Variants in PKHD1 observed in about 807,000 individuals in gnomAD.
PKHD1 encodes the protein fibrocystin.
A neutral mutation model predicts 412.0 loss-of-function variants in PKHD1; 291 were observed. That is an observed-to-expected ratio of 0.71 (90% confidence interval 0.64 to 0.78). PKHD1 has a LOEUF of 0.78. Ranked by LOEUF, PKHD1 falls within the 30% of genes least tolerant of loss-of-function variation. The probability of loss-of-function intolerance (pLI) is 0.00; values close to 1 mark genes in which losing one functional copy is unlikely to be tolerated. For synonymous variants in PKHD1, 1,777 were observed against 1,821.5 expected (o/e 0.98, Z 0.62); for missense variants, 4,825 against 4,950.7 (o/e 0.97, Z 0.76).
At chr6:51,640,449 G>C (rs1769197599) in intron 63 of PKHD1, among the ~76,000 whole-genome samples, 1 of 152,184 alleles carries the variant, frequency 6.6e-6, no homozygotes, top group African/African-American at 2.4e-5. Flanking sequence ...GGCAGTTGCT[G>C]CTAAGTATAG....
At chr6:51,985,182 A>G (rs931668822) in intron 35 of PKHD1, among the ~76,000 whole-genome samples, 1 of 152,362 alleles carries the variant, frequency 6.6e-6, no homozygotes, top group Non-Finnish European at 1.5e-5. Context: ...ATTGAAGGCT[A>G]TCTCTGAGTT....
At chr6:51,914,712 T>C (rs1229347259) in intron 37 of PKHD1, among the ~76,000 whole-genome samples, 2 of 152,226 alleles carry the variant, frequency 1.3e-5, no homozygotes, top group South Asian at 2.1e-4. Context: ...CTCTCCATAA[T>C]GTGACCCTAC....
At chr6:52,063,197 TA>T (rs2128219725) in intron 13 of PKHD1, among the ~76,000 whole-genome samples, 1 of 152,364 alleles carries the variant, frequency 6.6e-6, no homozygotes, top group South Asian at 2.1e-4. Flanking sequence ...TGTGACATTT[TA>T]AATGATATTG....
chr6:52,002,957 AT>A (rs1471273582), intron 35 of PKHD1, among the ~76,000 whole-genome samples: 2 of 152,230 alleles, frequency 1.3e-5, no homozygotes, highest in Admixed American at 6.5e-5. Flanking sequence ...ACAGACATAT[AT>A]GCCTTCATCC....
chr6:52,025,814 C>A lies in PKHD1; in HGVS notation c.3996G>T (p.Gly1332=). The part of the protein sequence containing the change: ...SNLSNSVILL[G]NLNCDVETQS... ...GTGTCTCAACATCACAGTTCAGGTT[C>A]CCCAGAAGGATGACTGAGTTGGAGA... Residue 1332 remains glycine, a synonymous_variant, in exon 32 of 67, where the codon GGG becomes GGT. Transcript: ENST00000371117. The A allele has an allele frequency of 6.2e-7, 1 of 1,614,164 alleles. No homozygotes were observed. The highest frequency in any genetic ancestry group is 8.5e-7 in the Non-Finnish European group (1 of 1,180,016).
chr6:52,053,350 G>T, intron 20 of PKHD1, 99 bp from the exon 21 acceptor site: 1 of 1,243,356 alleles, frequency 8.0e-7, no homozygotes, highest in Non-Finnish European at 1.2e-6. Context: ...TGTGAGCTAT[G>T]CAGCCAGGAG....
At position 51,628,969 on chromosome 6, in the gene PKHD1, A is replaced by G. The variant is rs1187336307; in HGVS notation, c.11666-1853T>C. On this transcript the variant is annotated intron_variant, in intron 65 of 66. Coordinates refer to ENST00000371117, the MANE Select transcript of PKHD1 (RefSeq NM_138694.4). The stretch of plus-strand genomic sequence containing the variant: ...AACAATAACAAGCAATTGTGAAAGG[A>G]CTCCTTTTCAATAAATGGTGCTGGG... Among the ~76,000 whole-genome samples the G allele has an allele frequency of 2.6e-5, 4 of 152,182 alleles. No individual in the cohort carries two copies. In the East Asian group the frequency reaches 7.7e-4, roughly 29 times the overall value.
intron 52 of PKHD1, among the ~76,000 whole-genome samples, chr6:51,830,065 A>G (rs1582919964): frequency 6.6e-6 from 1 of 152,190 alleles, no homozygotes. Flanking sequence ...GTTTGACATT[A>G]TCATTATTAT....
chr6:51,956,325 T>C (rs1791128658), intron 36 of PKHD1, among the ~76,000 whole-genome samples: 1 of 151,992 alleles, frequency 6.6e-6, no homozygotes, highest in South Asian at 2.1e-4. Context: ...TGTGTGTGTG[T>C]GTGTGTAATC....
At chr6:51,836,250 A>G (rs560417633) in intron 51 of PKHD1, among the ~76,000 whole-genome samples, 154 bp downstream of exon 51, 24 of 152,316 alleles carry the variant, frequency 1.6e-4, no homozygotes, top group Admixed American at 6.5e-4. Context: ...TACATATTTT[A>G]GTTACAGGGC....
At chr6:51,936,821 C>A (rs1213360513) in intron 36 of PKHD1, among the ~76,000 whole-genome samples, 2 of 74,674 alleles carry the variant, frequency 2.7e-5, no homozygotes, top group Non-Finnish European at 5.1e-5. Context: ...CAAATTCCAA[C>A]CTGACTCTAG....
intron 60 of PKHD1, among the ~76,000 whole-genome samples, chr6:51,711,590 A>T (rs545121077): frequency 6.6e-6 from 1 of 152,310 alleles, no homozygotes; most frequent in East Asian, 1.9e-4. Flanking sequence ...ATATTTGTCT[A>T]CCTCTGCTGG....
intron 48 of PKHD1, among the ~76,000 whole-genome samples, chr6:51,856,302 G>A (rs1773301102): frequency 6.6e-6 from 1 of 152,156 alleles, no homozygotes; most frequent in African/African-American, 2.4e-5. Flanking sequence ...CTGGTGAACT[G>A]GAGGTGGTGA....
At chr6:51,807,437 CAAAAAAAAAA>C (rs1174429085) in intron 52 of PKHD1, among the ~76,000 whole-genome samples, 622 of 39,086 alleles carry the variant, frequency 0.016, 14 homozygotes, top group East Asian at 0.11. Context: ...GACTCTGTCT[CAAAAAAAAAA>C]AAAAAAAAAA....
At chr6:51,869,017 A>G (rs1412213443) in intron 47 of PKHD1, among the ~76,000 whole-genome samples, 1 of 152,142 alleles carries the variant, frequency 6.6e-6, no homozygotes, top group African/African-American at 2.4e-5. Flanking sequence ...AAATATAAAA[A>G]AAAGAAAATA....
At chr6:51,733,703 T>C (rs1020549740) in intron 60 of PKHD1, among the ~76,000 whole-genome samples, 1 of 152,210 alleles carries the variant, frequency 6.6e-6, no homozygotes, top group African/African-American at 2.4e-5. Context: ...TGGCTTATTA[T>C]AAAATCATTG....
Position 52,062,587 on chromosome 6 carries a change from G to GTA in PKHD1, c.1048_1049dup (p.Arg351ThrfsTer63). Reference sequence around the variant, plus strand: ...TGGCATTAGGGACAATCTGCCACCTGTACCCTGGGGTGGCTTCAGTCAGTT... The same window carrying GTA: ...TGGCATTAGGGACAATCTGCCACCTGTATACCCTGGGGTGGCTTCAGTCAGTT... On this transcript the variant is annotated frameshift_variant, in exon 14 of 67. Coordinates refer to ENST00000371117, the MANE Select transcript of PKHD1 (RefSeq NM_138694.4). LOFTEE classifies it high-confidence loss of function. The GTA allele has an allele frequency of 6.2e-7, 1 of 1,613,832 alleles. No homozygotes were observed. The highest frequency in any genetic ancestry group is 1.3e-5 in the African/African-American group (1 of 75,046).
chr6:51,972,057 C>T (rs1037219893), intron 35 of PKHD1, among the ~76,000 whole-genome samples: 8 of 151,978 alleles, frequency 5.3e-5, no homozygotes, highest in Non-Finnish European at 8.8e-5. Flanking sequence ...TTTAAAGGCC[C>T]GTATTCTGAC....
At chr6:51,807,456 A>ATATAT (rs1277374751) in intron 52 of PKHD1, among the ~76,000 whole-genome samples, 17 of 47,202 alleles carry the variant, frequency 3.6e-4, no homozygotes, top group African/African-American at 1.3e-3. Context: ...AAAAAAAAAA[A>ATATAT]AAATATATAT....
Sources: allele counts gnomAD v4.1 joint callset (sites outside exome capture counted in the v4.1 genomes callset), GRCh38; gene constraint gnomAD v4.1.1; transcripts MANE v1.5; gene names NCBI Gene and HGNC (gene_info 2026-07-23, HGNC 2026-07-21).